The following HECTD2 variants were observed in gnomAD, a reference collection of about 807,000 sequenced individuals.
HECTD2 encodes HECT domain E3 ubiquitin protein ligase 2, also known as probable E3 ubiquitin-protein ligase HECTD2.
A neutral mutation model predicts 103.2 loss-of-function variants in HECTD2; 35 were observed. That is an observed-to-expected ratio of 0.34 (90% CI 0.26 to 0.45). HECTD2 has a LOEUF of 0.45. Among genes scored for constraint, HECTD2 ranks in the 20% least tolerant of loss-of-function variants. The pLI is 1.00. For missense variants in HECTD2, 596 were observed against 937.4 expected, an observed-to-expected ratio of 0.64 and a Z score of 4.76; for synonymous variants, 281 against 329.9, an observed-to-expected ratio of 0.85 and a Z score of 1.61.
Position 91,487,902 on chromosome 10 carries a change from G to GT in HECTD2, c.1191+126dup. Reference sequence around the variant, plus strand: ...CAGGAATGTTAAAAGCAAAATTCGTGTTATACTCACCCAAAAAGTGCTTAA... The same window carrying GT: ...CAGGAATGTTAAAAGCAAAATTCGTGTTTATACTCACCCAAAAAGTGCTTAA... On this transcript the variant is annotated intron_variant, in intron 11 of 20. Coordinates refer to ENST00000298068, the MANE Select transcript of HECTD2 (RefSeq NM_182765.6). This position sits in a 1 kb window ranked among gnomAD's most constrained non-coding sequence, Gnocchi z 4.1. 1.7e-6 allele frequency: 1 copy of GT among 595,010 alleles called. No homozygotes were observed. The highest frequency in any genetic ancestry group is 2.8e-6 in the Non-Finnish European group (1 of 352,406). The allele number at this position is 595,010 out of a possible 1,614,324, so 36.9% of individuals were successfully genotyped here.
chr10:91,485,219 A>T lies in HECTD2; in HGVS notation c.1010A>T (p.Tyr337Phe), dbSNP rs779557677. Residue 337 changes from tyrosine to phenylalanine, a missense_variant, in exon 10 of 21, where the codon TAT (tyrosine) becomes TTT (phenylalanine). By Grantham distance (22) the Tyr-to-Phe change is conservative (BLOSUM62 3). Around this residue, in one of 4 missense-constraint regions of HECTD2, gnomAD observed 303 missense variants for 522.5 expected, o/e 0.58. Transcript: ENST00000298068. ...NNLVHPPLIP[Y>F]TDFYNSTLDH... ...TTAGTTCACCCTCCCCTTATTCCTT[A>T]TACTGATTTCTATAATTCTACATTG... 6.3e-7 allele frequency: 1 copy of T among 1,577,666 alleles called. No homozygotes were observed. The highest frequency in any genetic ancestry group is 8.7e-7 in the Non-Finnish European group (1 of 1,155,120).
chr10:91,470,609 C>T (rs958311008), intron 5 of HECTD2, among the ~76,000 whole-genome samples: 1 of 152,004 alleles, frequency 6.6e-6, no homozygotes, highest in African/African-American at 2.4e-5. Context: ...CTCAAGTAAA[C>T]ATAATATCAC....
rs1200116940 is a variant in HECTD2, at chr10:91,475,707, G to A, written c.601-2494G>A. ...TTAAATAAAGTCAATACATCAGTCA[G>A]GGTCCTGGTAGTAAACAGACAACAC... On this transcript the variant is annotated intron_variant, in intron 5 of 20. Coordinates refer to ENST00000298068, the MANE Select transcript of HECTD2 (RefSeq NM_182765.6). Among the ~76,000 whole-genome samples the A allele has an allele frequency of 2.0e-5, 3 of 152,198 alleles. No homozygotes were observed. In the East Asian group the frequency reaches 5.8e-4, roughly 29 times the overall value.
chr10:91,505,169 T>C (rs1197008164), intron 20 of HECTD2, among the ~76,000 whole-genome samples: 1 of 151,800 alleles, frequency 6.6e-6, no homozygotes, highest in South Asian at 2.1e-4. Flanking sequence ...TGCAAAATCA[T>C]GCCAAAATGT....
intron 20 of HECTD2, among the ~76,000 whole-genome samples, chr10:91,504,801 G>A (rs1372258038): frequency 1.3e-5 from 2 of 151,750 alleles, no homozygotes; most frequent in African/African-American, 2.4e-5. Context: ...TCCTCGAGAA[G>A]AGCAACTCCA....
Position 91,458,281 on chromosome 10 carries a change from T to TCTAA in HECTD2, c.269-2145_269-2142dup, listed in dbSNP as rs1411820717. Among the ~76,000 whole-genome samples the TCTAA allele has an allele frequency of 2.0e-5, 3 of 152,030 alleles. No homozygotes were observed. In the East Asian group the frequency reaches 5.8e-4, roughly 29 times the overall value. Reference sequence around the variant, plus strand: ...ACCATGCTGGTGAAAGAAATTAAGATCTAAGTAAGTGTAAAGGCATACTGT... The same window carrying TCTAA: ...ACCATGCTGGTGAAAGAAATTAAGATCTAACTAAGTAAGTGTAAAGGCATACTGT... On this transcript the variant is annotated intron_variant, in intron 2 of 20. Coordinates refer to ENST00000298068, the MANE Select transcript of HECTD2 (RefSeq NM_182765.6).
intron 2 of HECTD2, among the ~76,000 whole-genome samples, chr10:91,427,156 C>T (rs1337618205): frequency 6.6e-6 from 1 of 151,432 alleles, no homozygotes; most frequent in East Asian, 1.9e-4. Context: ...CAATTTCATC[C>T]ATGTCCCTAC....
chr10:91,488,016 G>T (rs745456278), intron 11 of HECTD2: 6 of 267,484 alleles, frequency 2.2e-5, no homozygotes, highest in Non-Finnish European at 3.5e-5. Context: ...AAGAGTAAAT[G>T]CTTCTCACAG....
Position 91,498,998 on chromosome 10 carries a change from T to A in HECTD2, c.1843+39T>A, listed in dbSNP as rs763626640. The A allele has an allele frequency of 4.6e-4, 707 of 1,552,302 alleles. 3 individuals are homozygous for A. Among genetic ancestry groups the A allele is most frequent in the Non-Finnish European group, 1.7e-4 (195 of 1,126,128 alleles). On this transcript the variant is annotated intron_variant, in intron 17 of 20. Coordinates refer to ENST00000298068, the MANE Select transcript of HECTD2 (RefSeq NM_182765.6). ...CTTTTTAATTAAAATGAATTAGTAT[T>A]TGCCATTTACTTTTACTATTTAAGA... is the stretch of plus-strand genomic sequence containing the variant.
At position 91,512,717 on chromosome 10, in the gene HECTD2, G is replaced by T; in HGVS notation, c.*333G>T. ...AAGTACAGTGAAGAATGAATTTATG[G>T]TATAGTTGAACCCAGTGGCAGATTG... is the stretch of plus-strand genomic sequence containing the variant. On this transcript the variant is annotated 3_prime_UTR_variant, in exon 21 of 21. Coordinates refer to ENST00000298068, the MANE Select transcript of HECTD2 (RefSeq NM_182765.6). 4.4e-6 allele frequency: 1 copy of T among 226,916 alleles called. No individual in the cohort carries two copies. The highest frequency in any genetic ancestry group is 8.9e-6 in the Non-Finnish European group (1 of 112,832). 14.1% of individuals were successfully genotyped at this position (226,916 alleles called of 1,614,324 possible). A position where few individuals can be genotyped will look rare whatever the true frequency, so the allele number is the denominator to read the frequency against.
At chr10:91,435,002 T>A (rs1030042320) in intron 2 of HECTD2, among the ~76,000 whole-genome samples, 2 of 151,982 alleles carry the variant, frequency 1.3e-5, no homozygotes, top group Non-Finnish European at 1.5e-5. Context: ...GAAGGTATCA[T>A]GGGGCAGGAA....
rs1461561177 is a variant in HECTD2 at position 91,512,548 on chromosome 10, A to ATAAT, written c.*166_*169dup. 3 of 631,902 alleles carry ATAAT rather than the reference A, an allele frequency of 4.7e-6. No homozygotes were observed. The highest frequency in any genetic ancestry group is 7.7e-6 in the Non-Finnish European group (3 of 388,124). 39.1% of individuals were successfully genotyped at this position (631,902 alleles called of 1,614,324 possible). On this transcript the variant is annotated 3_prime_UTR_variant, in exon 21 of 21. Coordinates refer to ENST00000298068, the MANE Select transcript of HECTD2 (RefSeq NM_182765.6). The stretch of plus-strand genomic sequence containing the variant: ...AATATGAAGTATGTTCAGCAAAGGC[A>ATAAT]TAATTTTCTAAAAACACACACAGAA...
At chr10:91,465,446 A>G (rs959860030) in intron 5 of HECTD2, among the ~76,000 whole-genome samples, 2 of 152,016 alleles carry the variant, frequency 1.3e-5, no homozygotes, top group African/African-American at 4.8e-5. Context: ...ATGTCACACT[A>G]AAAGAACCAC....
At chr10:91,428,335 G>A (rs4537674) in intron 2 of HECTD2, among the ~76,000 whole-genome samples, 13,889 of 150,220 alleles carry the variant, frequency 0.092, 1,317 homozygotes, top group African/African-American at 0.25. Context: ...TGTTCTTTTG[G>A]CTTAGGATTG....
intron 2 of HECTD2, among the ~76,000 whole-genome samples, chr10:91,436,730 C>T (rs939112103): frequency 1.3e-5 from 2 of 151,976 alleles, no homozygotes; most frequent in Admixed American, 1.3e-4. Context: ...CCGTTATATT[C>T]CCAGTTCCTG....
chr10:91,410,075 T>C (rs1035016948), upstream of HECTD2, among the ~76,000 whole-genome samples: 1 of 152,074 alleles, frequency 6.6e-6, no homozygotes. Flanking sequence ...GGCGACACTC[T>C]GCAAACAATA....
intron 2 of HECTD2, among the ~76,000 whole-genome samples, chr10:91,441,907 T>TTTTTTTTTTTG (rs1243267576): frequency 1.6e-5 from 2 of 123,004 alleles, no homozygotes; most frequent in African/African-American, 8.7e-5. Flanking sequence ...TTTTTTTTTT[T>TTTTTTTTTTTG]CTTTTTTTTT....
At chr10:91,411,331 G>C (rs945856198) in intron 1 of HECTD2, among the ~76,000 whole-genome samples, 20 of 152,036 alleles carry the variant, frequency 1.3e-4, no homozygotes, top group African/African-American at 4.8e-4. Context: ...TGGTGGTTGT[G>C]ACTGGTTAAT....
At position 91,487,510 on chromosome 10, in the gene HECTD2, A is replaced by C; in HGVS notation, c.1095-172A>C. On this transcript the variant is annotated intron_variant, in intron 10 of 20. Transcript: ENST00000298068. The surrounding 1 kb of genome is among the most constrained non-coding windows in gnomAD (Gnocchi z 4.1). Reference sequence around the variant, plus strand: ...CACATCTAGTAATGATACATTCTTCACATGGCTGTGAGAATTAAAAGAAAT... The same window carrying C: ...CACATCTAGTAATGATACATTCTTCCCATGGCTGTGAGAATTAAAAGAAAT... 1 of 663,214 alleles carries C rather than the reference A, an allele frequency of 1.5e-6. No individual in the cohort carries two copies. The highest frequency in any genetic ancestry group is 2.8e-6 in the Non-Finnish European group (1 of 358,268). The allele number at this position is 663,214 out of a possible 1,614,324, so 41.1% of individuals were successfully genotyped here. A position where few individuals can be genotyped will look rare whatever the true frequency, so the allele number is the denominator to read the frequency against.
Sources: gnomAD v4.1 joint callset for allele counts (sites outside exome capture counted in the v4.1 genomes callset) on GRCh38, gnomAD v4.1.1 for gene constraint, gnomAD v4.1.1 regional missense constraint, Gnocchi (gnomAD v3.1) non-coding constraint, MANE v1.5 for transcripts, NCBI Gene and HGNC (gene_info 2026-07-23, HGNC 2026-07-21) for gene names.